The following RGS7 variants were observed in gnomAD, a reference collection of about 807,000 sequenced individuals.
RGS7 encodes regulator of G protein signaling 7, also known as regulator of G-protein signaling 7.
Under a neutral mutation model 81.1 loss-of-function variants are expected in RGS7, and 27 were observed. The observed-to-expected ratio is 0.33, with a 90% confidence interval of 0.25 to 0.46. The LOEUF (loss-of-function observed/expected upper bound fraction) is 0.46. Ranked by LOEUF, RGS7 falls within the 20% of genes least tolerant of loss-of-function variation. The probability of loss-of-function intolerance (pLI) is 1.00; values close to 1 mark genes in which losing one functional copy is unlikely to be tolerated. For missense variants in RGS7, 396 were observed against 607.4 expected, an observed-to-expected ratio of 0.65 and a Z score of 3.66; for synonymous variants, 208 against 207.7, an observed-to-expected ratio of 1.00 and a Z score of -0.01.
intron 9 of RGS7, among the ~76,000 whole-genome samples, chr1:240,846,110 G>A (rs1475539354): frequency 6.6e-6 from 1 of 152,096 alleles, no homozygotes; most frequent in Non-Finnish European, 1.5e-5. Flanking sequence ...TGTGTTCCTG[G>A]TACTTGACTG....
intron 2 of RGS7, among the ~76,000 whole-genome samples, chr1:241,285,009 T>C (rs1378260026): frequency 1.3e-5 from 2 of 152,164 alleles, no homozygotes; most frequent in Non-Finnish European, 1.5e-5. Flanking sequence ...TAGCTGAGAC[T>C]ACAGGCACCC....
In RGS7 at chr1:240,881,136, A is replaced by G. The variant is rs1462514948; in HGVS notation, c.386-11017T>C. Reference sequence around the variant, plus strand: ...AAAGAAAAAGATAATTATGTTCTTTAAAAACAGCATTTTCATGGAATATGA... The same window carrying G: ...AAAGAAAAAGATAATTATGTTCTTTGAAAACAGCATTTTCATGGAATATGA... On this transcript the variant is annotated intron_variant, in intron 6 of 18. Transcript: ENST00000440928. Among the ~76,000 whole-genome samples the G allele has an allele frequency of 2.6e-5, 4 of 152,206 alleles. No homozygotes were observed. The East Asian group carries it at 7.7e-4, about 29-fold the overall frequency.
intron 2 of RGS7, among the ~76,000 whole-genome samples, chr1:241,181,055 G>T (rs1219220308): frequency 6.6e-6 from 1 of 152,216 alleles, no homozygotes. Context: ...GGTTAGAGGA[G>T]AGGGATGGAT....
intron 3 of RGS7, among the ~76,000 whole-genome samples, chr1:240,985,670 G>A (rs749457041): frequency 2.6e-5 from 4 of 151,922 alleles, no homozygotes; most frequent in Non-Finnish European, 5.9e-5. Flanking sequence ...GCATATTTAT[G>A]GTTTTAGGTT....
At chr1:241,010,655 T>C (rs1166281546) in intron 3 of RGS7, among the ~76,000 whole-genome samples, 1 of 152,236 alleles carries the variant, frequency 6.6e-6, no homozygotes, top group African/African-American at 2.4e-5. Context: ...CAGCTAAAAA[T>C]GCAGCTACAC....
At chr1:240,848,601 A>G (rs753597541) in intron 9 of RGS7, among the ~76,000 whole-genome samples, 2 of 150,676 alleles carry the variant, frequency 1.3e-5, no homozygotes, top group Admixed American at 6.6e-5. Flanking sequence ...TAAAAGATAC[A>G]GCAGAAAAGG....
intron 9 of RGS7, among the ~76,000 whole-genome samples, chr1:240,845,380 C>T (rs1182274069): frequency 2.0e-5 from 3 of 152,080 alleles, no homozygotes; most frequent in African/African-American, 7.2e-5. Context: ...ATAAAAAACT[C>T]AATTAATCAT....
chr1:241,218,670 A>G (rs1457512114), intron 2 of RGS7, among the ~76,000 whole-genome samples: 1 of 152,100 alleles, frequency 6.6e-6, no homozygotes, highest in Non-Finnish European at 1.5e-5. Context: ...TTTGAGACGG[A>G]GTCTCACACT....
rs181561629 is a variant in RGS7, at chr1:241,025,466, C to T, written c.176-42337G>A. ...AAGTTCAGTCATTTGTCCAAGGTCACAGAGCTGAGAAGCTGAGATCTGAAG... is the reference window on the plus strand; with the variant it reads ...AAGTTCAGTCATTTGTCCAAGGTCATAGAGCTGAGAAGCTGAGATCTGAAG... On this transcript the variant is annotated intron_variant, in intron 3 of 18. Transcript: ENST00000440928. Among the ~76,000 whole-genome samples, 545 of 152,312 alleles carry T rather than the reference C, an allele frequency of 3.6e-3. 5 individuals are homozygous for T. Among genetic ancestry groups the T allele is most frequent in the African/African-American group, 0.013 (521 of 41,568 alleles).
intron 9 of RGS7, among the ~76,000 whole-genome samples, chr1:240,846,098 G>T (rs1416842352): frequency 1.3e-5 from 2 of 152,192 alleles, no homozygotes; most frequent in African/African-American, 4.8e-5. Flanking sequence ...TTGAGTGTCT[G>T]CTGTGTTCCT....
intron 2 of RGS7, among the ~76,000 whole-genome samples, chr1:241,196,650 G>A (rs1284939179): frequency 1.3e-5 from 2 of 152,020 alleles, no homozygotes; most frequent in African/African-American, 4.8e-5. Flanking sequence ...AGAAAGGAAT[G>A]AAGAGTAACT....
intron 6 of RGS7, among the ~76,000 whole-genome samples, chr1:240,871,737 G>T (rs1469586067): frequency 6.6e-6 from 1 of 152,152 alleles, no homozygotes; most frequent in Non-Finnish European, 1.5e-5. Flanking sequence ...AGTTGTAAAA[G>T]AAATTGAAGC....
chr1:241,061,398 C>G (rs190515451), intron 3 of RGS7, among the ~76,000 whole-genome samples: 1 of 152,044 alleles, frequency 6.6e-6, no homozygotes, highest in East Asian at 1.9e-4. Flanking sequence ...TAGAAGAGTT[C>G]GACAGAATTG....
chr1:241,211,542 CA>C (rs1181216667), intron 2 of RGS7, among the ~76,000 whole-genome samples: 1 of 152,154 alleles, frequency 6.6e-6, no homozygotes, highest in African/African-American at 2.4e-5. Context: ...AAGAGGACAT[CA>C]CCAAAGACCT....
intron 2 of RGS7, among the ~76,000 whole-genome samples, chr1:241,154,564 T>C (rs2068979180): frequency 6.6e-6 from 1 of 152,186 alleles, no homozygotes; most frequent in Non-Finnish European, 1.5e-5. Flanking sequence ...AGAACACTCT[T>C]GAAAATGAAT....
chr1:241,254,038 A>G (rs2076946840), intron 2 of RGS7, among the ~76,000 whole-genome samples: 1 of 152,058 alleles, frequency 6.6e-6, no homozygotes, highest in African/African-American at 2.4e-5. Flanking sequence ...ATCTCCACTA[A>G]AAATACAAAA....
At chr1:241,111,425 C>G (rs1181468607) in intron 2 of RGS7, among the ~76,000 whole-genome samples, 1 of 152,128 alleles carries the variant, frequency 6.6e-6, no homozygotes, top group African/African-American at 2.4e-5. Context: ...CAGTCATTCT[C>G]ATAGTTCTGT....
At chr1:241,294,564 A>G (rs2079282181) in intron 2 of RGS7, among the ~76,000 whole-genome samples, 1 of 152,242 alleles carries the variant, frequency 6.6e-6, no homozygotes, top group African/African-American at 2.4e-5. Flanking sequence ...TGCAGGGTTT[A>G]TAAAGTCTAC....
At chr1:241,063,915 G>A (rs1190883864) in intron 3 of RGS7, among the ~76,000 whole-genome samples, 1 of 152,136 alleles carries the variant, frequency 6.6e-6, no homozygotes, top group Non-Finnish European at 1.5e-5. Flanking sequence ...CGGGCGCGGT[G>A]GCTCACGCCT....
Sources: gnomAD v4.1 joint callset for allele counts (sites outside exome capture counted in the v4.1 genomes callset) on GRCh38, gnomAD v4.1.1 for gene constraint, MANE v1.5 for transcripts, NCBI Gene and HGNC (gene_info 2026-07-23, HGNC 2026-07-21) for gene names.